The following ARSJ variants were observed in gnomAD, a reference collection of about 807,000 sequenced individuals.
The protein encoded by ARSJ is arylsulfatase family member J.
In ARSJ, 26 loss-of-function variants were observed where a neutral mutation model predicts 35.9. The ratio of observed to expected loss-of-function variants is 0.72; its 90% confidence interval spans 0.53 to 1.00. The LOEUF (loss-of-function observed/expected upper bound fraction) is 1.00, where lower values mean the gene tolerates loss of function less well. Among genes scored for constraint, ARSJ ranks in the 50% least tolerant of loss-of-function variants. The pLI is 0.00. For missense variants in ARSJ, 667 were observed against 723.6 expected (o/e 0.92, Z 0.90); for synonymous variants, 294 against 267.6 (o/e 1.10, Z -0.96).
chr4:113,928,764 C>T (rs1476509892), intron 1 of ARSJ, among the ~76,000 whole-genome samples: 1 of 152,158 alleles, frequency 6.6e-6, no homozygotes, highest in Non-Finnish European at 1.5e-5. Flanking sequence ...AATTACAGGG[C>T]TCTTCAAAGA....
chr4:113,920,667 C>T (rs1290946602), intron 1 of ARSJ, among the ~76,000 whole-genome samples: 2 of 152,098 alleles, frequency 1.3e-5, no homozygotes, highest in Non-Finnish European at 2.9e-5. Flanking sequence ...CTGCATGTCT[C>T]TTTGGAGGCT....
intron 1 of ARSJ, among the ~76,000 whole-genome samples, chr4:113,962,329 C>T (rs1726600426): frequency 6.6e-6 from 1 of 151,888 alleles, no homozygotes; most frequent in African/African-American, 2.4e-5. Context: ...AAAAAAAAAT[C>T]TATAACTGCA....
chr4:113,903,807 G>A (rs1252552300), intron 1 of ARSJ, 132 bp from the exon 2 acceptor site: 3 of 1,233,212 alleles, frequency 2.4e-6, no homozygotes, highest in African/African-American at 3.1e-5. Flanking sequence ...AATGATAAAT[G>A]ACCAATTCAG....
chr4:113,938,737 C>T (rs1724928562), intron 1 of ARSJ, among the ~76,000 whole-genome samples: 1 of 151,502 alleles, frequency 6.6e-6, no homozygotes, highest in East Asian at 1.9e-4. Context: ...AAAAAAACTA[C>T]CCCATTAAAA....
chr4:113,957,372 A>G lies in ARSJ; in HGVS notation c.398+21065T>C, dbSNP rs539532381. Among the ~76,000 whole-genome samples the G allele has an allele frequency of 1.3e-3, 198 of 152,254 alleles. 1 individual carries two copies. Among genetic ancestry groups the G allele is most frequent in the African/African-American group, 4.6e-3 (193 of 41,590 alleles). On this transcript the variant is annotated intron_variant, in intron 1 of 1. Coordinates refer to ENST00000315366, the MANE Select transcript of ARSJ (RefSeq NM_024590.4). ...TTTCAGAGACCTCTCCTGAGAAAAA[A>G]ATAGAAAGAAACTCTTTATGCTTGC... is the stretch of plus-strand genomic sequence containing the variant.
chr4:113,969,904 T>C, intron 1 of ARSJ, among the ~76,000 whole-genome samples: 1 of 152,304 alleles, frequency 6.6e-6, no homozygotes, highest in Non-Finnish European at 1.5e-5. Flanking sequence ...GCTTTGCTGC[T>C]TAGGGGACCA....
intron 1 of ARSJ, among the ~76,000 whole-genome samples, chr4:113,971,117 GA>G (rs1210121817): frequency 6.6e-6 from 1 of 151,620 alleles, no homozygotes; most frequent in African/African-American, 2.4e-5. Context: ...AATTATAAAA[GA>G]ACACTGAAAC....
intron 1 of ARSJ, among the ~76,000 whole-genome samples, chr4:113,906,091 A>C (rs538466966): frequency 6.6e-6 from 1 of 152,362 alleles, no homozygotes; most frequent in South Asian, 2.1e-4. Flanking sequence ...ACACAAGTAC[A>C]TGACAAATTA....
chr4:113,924,073 ATAAATATATAT>A (rs1723881649), intron 1 of ARSJ, among the ~76,000 whole-genome samples: 2 of 111,302 alleles, frequency 1.8e-5, no homozygotes, highest in African/African-American at 4.2e-5. Flanking sequence ...ATAAATATAT[ATAAATATATAT>A]ATATATATAT....
chr4:113,906,395 T>C lies in ARSJ; in HGVS notation c.399-2720A>G, dbSNP rs116527217. ...AGAAAGTAAGAAGAGGTTTGCTGCT[T>C]TCAGAAAATGGTGTAGCGTCTGCAG... On this transcript the variant is annotated intron_variant, in intron 1 of 1. Coordinates refer to ENST00000315366, the MANE Select transcript of ARSJ (RefSeq NM_024590.4). Among the ~76,000 whole-genome samples, 1,240 of 152,330 alleles carry C rather than the reference T, an allele frequency of 8.1e-3. 17 individuals are homozygous for C. Among genetic ancestry groups the C allele is most frequent in the African/African-American group, 0.029 (1,186 of 41,578 alleles).
In ARSJ at chr4:113,900,808, T is replaced by A. The variant is rs1306837543; in HGVS notation, c.*1466A>T. 1 of 152,166 alleles carries A rather than the reference T, an allele frequency of 6.6e-6. No individual in the cohort carries two copies. Among genetic ancestry groups the A allele is most frequent in the Non-Finnish European group, 1.5e-5 (1 of 68,024 alleles). 9.4% of individuals were successfully genotyped at this position (152,166 alleles called of 1,614,324 possible). On this transcript the variant is annotated 3_prime_UTR_variant, in exon 2 of 2. Transcript: ENST00000315366. ...TGATAAACTTCATTACTGATAATAC[T>A]CCTTTAATTCTCCTCATGACGTTTG...
chr4:113,963,682 A>G (rs1453622488), intron 1 of ARSJ, among the ~76,000 whole-genome samples: 1 of 151,094 alleles, frequency 6.6e-6, no homozygotes, highest in Non-Finnish European at 1.5e-5. Context: ...TCAATATTGA[A>G]TGAATGGATG....
In ARSJ at chr4:113,902,869, T is replaced by C; in HGVS notation, c.1205A>G (p.Asp402Gly). Reference protein sequence around the residue: ...IDEDIQLDGYDIWETISEGLR... With the variant: ...IDEDIQLDGYGIWETISEGLR... ...ACCCTCACTTATGGTCTCCCAGATA[T>C]CATAGCCATCTAGTTGAATGTCCTC... Residue 402 changes from aspartate to glycine, a missense_variant, in exon 2 of 2, where the codon GAT becomes GGT. Physicochemically the swap from Asp to Gly is moderately conservative, Grantham distance 94 (BLOSUM62 -1). Transcript: ENST00000315366. The C allele has an allele frequency of 6.2e-7, 1 of 1,614,192 alleles. No homozygotes were observed. Among genetic ancestry groups the C allele is most frequent in the Non-Finnish European group, 8.5e-7 (1 of 1,180,032 alleles).
chr4:113,920,639 C>A (rs991482010), intron 1 of ARSJ, among the ~76,000 whole-genome samples: 2 of 152,052 alleles, frequency 1.3e-5, no homozygotes. Context: ...AAAGACAAAT[C>A]TTAAAGAATT....
intron 1 of ARSJ, among the ~76,000 whole-genome samples, chr4:113,929,446 G>A (rs535022793): frequency 1.3e-5 from 2 of 152,266 alleles, no homozygotes; most frequent in East Asian, 1.9e-4. Context: ...CAGGAGGGAT[G>A]TTGCCACTAC....
intron 1 of ARSJ, among the ~76,000 whole-genome samples, chr4:113,972,105 A>G (rs2110336508): frequency 6.6e-6 from 1 of 152,208 alleles, no homozygotes; most frequent in East Asian, 1.9e-4. Context: ...CTGCCTTGAC[A>G]GGCCACTACC....
chr4:113,936,301 T>C (rs1724763935), intron 1 of ARSJ, among the ~76,000 whole-genome samples: 1 of 151,934 alleles, frequency 6.6e-6, no homozygotes, highest in South Asian at 2.1e-4. Context: ...ATAAGTGATA[T>C]TTGTTGAGTT....
At chr4:113,921,934 G>A (rs1723706049) in intron 1 of ARSJ, among the ~76,000 whole-genome samples, 1 of 152,132 alleles carries the variant, frequency 6.6e-6, no homozygotes, top group Non-Finnish European at 1.5e-5. Context: ...TATTTGTAAG[G>A]AATTCTCAAA....
At chr4:113,935,334 C>T (rs932790696) in intron 1 of ARSJ, among the ~76,000 whole-genome samples, 2 of 151,824 alleles carry the variant, frequency 1.3e-5, no homozygotes, top group South Asian at 2.1e-4. Flanking sequence ...TGATCTTTTC[C>T]TCATTCATAT....
Sources: gnomAD v4.1 joint callset for allele counts (sites outside exome capture counted in the v4.1 genomes callset) on GRCh38, gnomAD v4.1.1 for gene constraint, MANE v1.5 for transcripts, NCBI Gene and HGNC (gene_info 2026-07-23, HGNC 2026-07-21) for gene names.